Variants in RAPGEF6 observed in about 807,000 individuals in gnomAD.
RAPGEF6 encodes PDZ domain containing guanine nucleotide exchange factor (GEF) 2.
A neutral mutation model predicts 171.4 loss-of-function variants in RAPGEF6; 56 were observed. That is an observed-to-expected ratio of 0.33 (90% CI 0.26 to 0.41). RAPGEF6 has a LOEUF of 0.41. RAPGEF6 is among the 10% of genes least tolerant of loss of function. The probability of loss-of-function intolerance (pLI) is 1.00; values close to 1 mark genes in which losing one functional copy is unlikely to be tolerated. For synonymous variants in RAPGEF6, 692 were observed against 650.1 expected, an observed-to-expected ratio of 1.06 and a Z score of -0.98; for missense variants, 1,674 against 1,921.4, an observed-to-expected ratio of 0.87 and a Z score of 2.41.
chr5:131,594,749 C>G (rs1255471334), intron 3 of RAPGEF6, among the ~76,000 whole-genome samples: 1 of 152,176 alleles, frequency 6.6e-6, no homozygotes, highest in Non-Finnish European at 1.5e-5. Flanking sequence ...GGATGTGAGA[C>G]ATGGAGTCAA....
At chr5:131,546,797 T>A (rs1411352919) in intron 6 of RAPGEF6, among the ~76,000 whole-genome samples, 1 of 152,204 alleles carries the variant, frequency 6.6e-6, no homozygotes, top group Admixed American at 6.5e-5. Flanking sequence ...AAAATTTACA[T>A]ATTTAAGTTT....
intron 13 of RAPGEF6, among the ~76,000 whole-genome samples, chr5:131,495,249 T>G (rs545678547): frequency 6.6e-6 from 1 of 150,680 alleles, no homozygotes; most frequent in East Asian, 2.0e-4. Flanking sequence ...GAGCCAAGAT[T>G]GCACCACTGC....
At chr5:131,532,012 G>C (rs1759416472) in intron 6 of RAPGEF6, 1 of 330,062 alleles carries the variant, frequency 3.0e-6, no homozygotes, top group Non-Finnish European at 5.9e-6. Context: ...TTAAAGTTTA[G>C]AAAAGAGCGC....
chr5:131,609,734 C>T (rs953061201), intron 1 of RAPGEF6, among the ~76,000 whole-genome samples: 1 of 152,174 alleles, frequency 6.6e-6, no homozygotes, highest in Non-Finnish European at 1.5e-5. Flanking sequence ...AACAAGTAGA[C>T]TATATATGGT....
At chr5:131,481,012 A>G (rs1755441407) in intron 15 of RAPGEF6, among the ~76,000 whole-genome samples, 1 of 151,060 alleles carries the variant, frequency 6.6e-6, no homozygotes. Context: ...GCTCACCACA[A>G]CCTTCACCTC....
chr5:131,541,427 T>A (rs907547770), intron 6 of RAPGEF6, among the ~76,000 whole-genome samples: 4 of 152,070 alleles, frequency 2.6e-5, no homozygotes, highest in African/African-American at 9.7e-5. Context: ...CCAAACATAA[T>A]GGGGCCAGAA....
Position 131,485,390 on chromosome 5 carries a change from G to A in RAPGEF6, c.1840+4156C>T, listed in dbSNP as rs185970409. Reference sequence around the variant, plus strand: ...TGTGGGTCAGGTAGAGGGACTCTTCGAGGAGAGAGAGAACTTTAGATGGCT... The same window carrying A: ...TGTGGGTCAGGTAGAGGGACTCTTCAAGGAGAGAGAGAACTTTAGATGGCT... On this transcript the variant is annotated intron_variant, in intron 15 of 27. Transcript: ENST00000509018. Among the ~76,000 whole-genome samples the A allele has an allele frequency of 1.1e-4, 16 of 152,282 alleles. No individual in the cohort carries two copies. The South Asian group carries it at 1.2e-3, about 12-fold the overall frequency.
At chr5:131,507,065 C>T (rs1436500999) in intron 9 of RAPGEF6, among the ~76,000 whole-genome samples, 1 of 149,720 alleles carries the variant, frequency 6.7e-6, no homozygotes, top group Non-Finnish European at 1.5e-5. Flanking sequence ...ATTTGGATAC[C>T]TATATATTAT....
At position 131,520,442 on chromosome 5, in the gene RAPGEF6, A is replaced by G. The variant is rs145336470; in HGVS notation, c.627+948T>C. Among the ~76,000 whole-genome samples the G allele has an allele frequency of 7.9e-4, 120 of 152,360 alleles. 1 individual carries two copies. Among genetic ancestry groups the G allele is most frequent in the African/African-American group, 2.7e-3 (111 of 41,590 alleles). ...AGTATTTGGTTATACTGCACTAAATAAAATATATTACTAAAATGAATTTTA... is the reference window on the plus strand; with the variant it reads ...AGTATTTGGTTATACTGCACTAAATGAAATATATTACTAAAATGAATTTTA... On this transcript the variant is annotated intron_variant, in intron 7 of 27. Coordinates refer to ENST00000509018, the MANE Select transcript of RAPGEF6 (RefSeq NM_016340.6).
rs759908234 is a variant in RAPGEF6, at chr5:131,479,721, C to G, written c.1873G>C (p.Glu625Gln). Reference sequence around the variant, plus strand: ...GGAATATGAGGAACACCAGATTTCTCTTGTTCAGTCCTAAAAAGTAACTCT... The same window carrying G: ...GGAATATGAGGAACACCAGATTTCTGTTGTTCAGTCCTAAAAAGTAACTCT... ...FKELLFRTEQ[E>Q]KSGVPHIPKI... Residue 625 changes from glutamate to glutamine, a missense_variant, in exon 16 of 28, where the codon GAG becomes CAG. Around this residue, in one of 3 missense-constraint regions of RAPGEF6, gnomAD observed 1,116 missense variants for 1,321.5 expected, o/e 0.84. Transcript: ENST00000509018. 4 of 1,613,812 alleles carry G rather than the reference C, an allele frequency of 2.5e-6. No homozygotes were observed. The highest frequency in any genetic ancestry group is 3.4e-6 in the Non-Finnish European group (4 of 1,179,914).
At chr5:131,497,313 T>C (rs1756701916) in intron 12 of RAPGEF6, among the ~76,000 whole-genome samples, 1 of 152,234 alleles carries the variant, frequency 6.6e-6, no homozygotes, top group South Asian at 2.1e-4. Context: ...CTGTGCATTG[T>C]CTTAACTTTC....
At chr5:131,532,356 A>C in intron 6 of RAPGEF6, 1 of 227,684 alleles carries the variant, frequency 4.4e-6, no homozygotes, top group Non-Finnish European at 9.1e-6. Flanking sequence ...TTAACAAGCA[A>C]ATCACAGTAA....
At chr5:131,625,425 T>G (rs568792492) in intron 1 of RAPGEF6, among the ~76,000 whole-genome samples, 159 of 152,212 alleles carry the variant, frequency 1.0e-3, no homozygotes, top group Non-Finnish European at 1.8e-3. Flanking sequence ...CAATTCTACC[T>G]CCTTAATACC....
intron 26 of RAPGEF6, among the ~76,000 whole-genome samples, chr5:131,429,749 A>T (rs1751583914): frequency 6.6e-6 from 1 of 152,104 alleles, no homozygotes; most frequent in Non-Finnish European, 1.5e-5. Flanking sequence ...GGAGGAACTA[A>T]TTCCTTCAAG....
chr5:131,431,396 A>G (rs757837284), intron 25 of RAPGEF6, 47 bp from the exon 26 acceptor site: 10 of 1,533,368 alleles, frequency 6.5e-6, no homozygotes, highest in Middle Eastern at 3.5e-4. Context: ...CAGAAAAACT[A>G]TCTTCTCTCT....
At chr5:131,560,462 C>T (rs1465404140) in intron 5 of RAPGEF6, among the ~76,000 whole-genome samples, 5 of 152,162 alleles carry the variant, frequency 3.3e-5, no homozygotes, top group Non-Finnish European at 7.4e-5. Context: ...GAATGTATAA[C>T]ACTGAAGTAA....
intron 14 of RAPGEF6, among the ~76,000 whole-genome samples, chr5:131,491,202 T>C (rs1756258954): frequency 6.6e-6 from 1 of 152,220 alleles, no homozygotes. Context: ...TTGTGGAAGC[T>C]GTCCTGGGAA....
intron 1 of RAPGEF6, among the ~76,000 whole-genome samples, chr5:131,624,049 G>A (rs138881581): frequency 2.0e-5 from 3 of 152,194 alleles, no homozygotes; most frequent in African/African-American, 7.2e-5. Flanking sequence ...AGCTTTCAGT[G>A]AAGAATCAGA....
chr5:131,510,373 C>T lies in RAPGEF6; in HGVS notation c.746G>A (p.Arg249Gln), dbSNP rs1378626537. Residue 249 changes from arginine (R) to glutamine (Q), a missense_variant, in exon 8 of 28, where the codon CGA becomes CAA. Arg to Gln is a conservative substitution (Grantham distance 43). Around this residue, in one of 3 missense-constraint regions of RAPGEF6, gnomAD observed 1,116 missense variants for 1,321.5 expected, o/e 0.84. Coordinates refer to ENST00000509018, the MANE Select transcript of RAPGEF6 (RefSeq NM_016340.6). ...EIDRTDPLQG[R>Q]DLVRECLEKE... The stretch of plus-strand genomic sequence containing the variant: ...TTCAAGACATTCTCGAACAAGATCT[C>T]GCCCCTGCAATGGATCTGTTCGATC... 3.7e-6 allele frequency: 6 copies of T among 1,613,932 alleles called. No homozygotes were observed. Among genetic ancestry groups the T allele is most frequent in the Admixed American group, 1.7e-5 (1 of 59,990 alleles).
Sources: allele counts gnomAD v4.1 joint callset (sites outside exome capture counted in the v4.1 genomes callset), GRCh38; gene constraint gnomAD v4.1.1; regional missense constraint gnomAD v4.1.1; transcripts MANE v1.5; gene names NCBI Gene and HGNC (gene_info 2026-07-23, HGNC 2026-07-21).